EPB41L5: variants seen among roughly 807,000 people sequenced by gnomAD.
The protein encoded by EPB41L5 is erythrocyte membrane protein band 4.1 like 5, also known as band 4.1-like protein 5.
A neutral mutation model predicts 106.6 loss-of-function variants in EPB41L5; 55 were observed. The ratio of observed to expected loss-of-function variants is 0.52; its 90% CI spans 0.42 to 0.65. The LOEUF is 0.65. Ranked by LOEUF, EPB41L5 falls within the 30% of genes least tolerant of loss-of-function variation. EPB41L5 has a pLI of 0.00. For synonymous variants in EPB41L5, 297 were observed against 306.7 expected (o/e 0.97, Z 0.33); for missense variants, 871 against 882.1 (o/e 0.99, Z 0.16).
intron 18 of EPB41L5, 45 bp downstream of exon 18, chr2:120,131,760 C>T: frequency 7.4e-7 from 1 of 1,351,528 alleles, no homozygotes; most frequent in Non-Finnish European, 1.1e-6. Flanking sequence ...ATCTCCAGAG[C>T]TCCCAGAAAT....
At chr2:120,051,125 C>G (rs928598325) in intron 3 of EPB41L5, among the ~76,000 whole-genome samples, 1 of 152,210 alleles carries the variant, frequency 6.6e-6, no homozygotes, top group Non-Finnish European at 1.5e-5. Flanking sequence ...TTGAGGCAGT[C>G]TGTCCATTCT....
intron 16 of EPB41L5, chr2:120,105,803 G>A (rs1684419526): frequency 2.0e-6 from 2 of 984,980 alleles, no homozygotes; most frequent in Middle Eastern, 5.2e-4. Context: ...GCTAAGTATT[G>A]TCATGGCTGA....
At chr2:120,161,446 A>G (rs1335608394) in intron 21 of EPB41L5, among the ~76,000 whole-genome samples, 1 of 151,466 alleles carries the variant, frequency 6.6e-6, no homozygotes, top group Non-Finnish European at 1.5e-5. Context: ...TTGCCACACT[A>G]CTCACAAGAG....
At chr2:120,093,379 C>A in intron 14 of EPB41L5, 103 bp downstream of exon 14, 1 of 918,598 alleles carries the variant, frequency 1.1e-6, no homozygotes, top group South Asian at 1.3e-5. Context: ...TCAAGTTGTC[C>A]GTAAAGCACC....
chr2:120,085,333 T>G (rs558117196), intron 10 of EPB41L5, among the ~76,000 whole-genome samples: 3 of 152,144 alleles, frequency 2.0e-5, no homozygotes, highest in Non-Finnish European at 4.4e-5. Flanking sequence ...TTAGTTTTCC[T>G]TCCAACAGCT....
chr2:120,115,351 T>C (rs1304319242), intron 16 of EPB41L5, among the ~76,000 whole-genome samples: 2 of 152,210 alleles, frequency 1.3e-5, no homozygotes, highest in Non-Finnish European at 2.9e-5. Flanking sequence ...CCTTTTGTGT[T>C]AAGTAGATAT....
At chr2:120,050,000 C>A (rs1680112605) in intron 3 of EPB41L5, among the ~76,000 whole-genome samples, 2 of 152,172 alleles carry the variant, frequency 1.3e-5, no homozygotes, top group African/African-American at 4.8e-5. Context: ...CCCCCACTGT[C>A]TTCTGGCTTG....
At chr2:120,154,514 A>G (rs761531024) in intron 20 of EPB41L5, among the ~76,000 whole-genome samples, 4 of 152,154 alleles carry the variant, frequency 2.6e-5, no homozygotes, top group Non-Finnish European at 5.9e-5. Flanking sequence ...TTGGAATCAA[A>G]TTAGCATCTT....
At chr2:120,037,540 C>A (rs182725888) in intron 2 of EPB41L5, among the ~76,000 whole-genome samples, 1 of 151,962 alleles carries the variant, frequency 6.6e-6, no homozygotes, top group Non-Finnish European at 1.5e-5. Context: ...TGTGGGGCTG[C>A]GTGTGATGGC....
At chr2:120,047,160 G>A (rs76526771) in intron 3 of EPB41L5, among the ~76,000 whole-genome samples, 96,042 of 151,694 alleles carry the variant, frequency 0.63, 31,788 homozygotes, top group Middle Eastern at 0.74. Flanking sequence ...TTTTGGTTCC[G>A]TATGAACTTT....
At chr2:120,138,486 G>A (rs1303829613) in intron 18 of EPB41L5, among the ~76,000 whole-genome samples, 1 of 151,996 alleles carries the variant, frequency 6.6e-6, no homozygotes, top group African/African-American at 2.4e-5. Context: ...ATTCAGTAAA[G>A]TGGCAGGATA....
intron 24 of EPB41L5, among the ~76,000 whole-genome samples, chr2:120,169,733 A>G (rs1687586322): frequency 6.6e-6 from 1 of 152,216 alleles, no homozygotes; most frequent in Non-Finnish European, 1.5e-5. Context: ...TGATAGCATA[A>G]TAGAAAAATG....
intron 6 of EPB41L5, 73 bp downstream of exon 6, chr2:120,075,593 A>T: frequency 7.0e-7 from 1 of 1,419,826 alleles, no homozygotes; most frequent in Admixed American, 1.8e-5. Context: ...AAATAAGTTT[A>T]TAGTTGTAAA....
At chr2:120,090,109 C>G (rs138561277) in intron 11 of EPB41L5, among the ~76,000 whole-genome samples, 27 of 151,802 alleles carry the variant, frequency 1.8e-4, no homozygotes, top group Admixed American at 6.6e-4. Flanking sequence ...TTATGTCTCT[C>G]TCACAAATGA....
At chr2:120,032,809 A>G (rs558492589) in intron 2 of EPB41L5, among the ~76,000 whole-genome samples, 4 of 152,358 alleles carry the variant, frequency 2.6e-5, no homozygotes, top group African/African-American at 4.8e-5. Flanking sequence ...TAAGAGTAAC[A>G]TTCACATTTA....
rs752996659 is a variant in EPB41L5 at position 120,100,747 on chromosome 2, G to C, written c.1270G>C (p.Ala424Pro). 6.8e-6 allele frequency: 11 copies of C among 1,613,708 alleles called. No homozygotes were observed. The African/African-American group carries it at 1.5e-4, about 22-fold the overall frequency. ...ALPVSPSISS[A>P]PVPVEIENLP... The stretch of plus-strand genomic sequence containing the variant: ...GCCTGTGAGTCCTTCCATTTCCTCT[G>C]CTCCTGTGCCAGTGGAGATAGAGAA... Residue 424 changes from alanine to proline, a missense_variant, in exon 16 of 25, where the codon GCT (alanine) becomes CCT (proline). Coordinates refer to ENST00000263713, the MANE Select transcript of EPB41L5 (RefSeq NM_020909.4).
chr2:120,172,143 A>G (rs1472288993), intron 24 of EPB41L5, among the ~76,000 whole-genome samples: 1 of 152,192 alleles, frequency 6.6e-6, no homozygotes, highest in Non-Finnish European at 1.5e-5. Flanking sequence ...AAACTGGGAG[A>G]GAAAAGAAAA....
At chr2:120,093,432 A>G (rs999832627) in intron 14 of EPB41L5, among the ~76,000 whole-genome samples, 156 bp downstream of exon 14, 7 of 152,248 alleles carry the variant, frequency 4.6e-5, no homozygotes, top group Non-Finnish European at 1.0e-4. Flanking sequence ...TGCCAGATAA[A>G]AGTGACATGA....
At chr2:120,050,479 T>A (rs545038959) in intron 3 of EPB41L5, among the ~76,000 whole-genome samples, 1 of 152,354 alleles carries the variant, frequency 6.6e-6, no homozygotes, top group South Asian at 2.1e-4. Flanking sequence ...ATGCATCACG[T>A]CATTCTCGTG....
Sources: allele counts gnomAD v4.1 joint callset (sites outside exome capture counted in the v4.1 genomes callset), GRCh38; gene constraint gnomAD v4.1.1; transcripts MANE v1.5; gene names NCBI Gene and HGNC (gene_info 2026-07-23, HGNC 2026-07-21).